Variants in PTPRE observed in about 807,000 individuals in gnomAD.
PTPRE encodes receptor-type tyrosine-protein phosphatase epsilon.
Under a neutral mutation model 102.0 loss-of-function variants are expected in PTPRE, and 51 were observed. That is an observed-to-expected ratio of 0.50 (90% CI 0.40 to 0.63). The LOEUF is 0.63. PTPRE is among the 30% of genes least tolerant of loss of function. The pLI is 0.00. For missense variants in PTPRE, 752 were observed against 915.1 expected, an observed-to-expected ratio of 0.82 and a Z score of 2.30; for synonymous variants, 345 against 348.2, an observed-to-expected ratio of 0.99 and a Z score of 0.10.
chr10:128,048,070 T>A (rs1848250321), intron 5 of PTPRE, among the ~76,000 whole-genome samples: 1 of 152,038 alleles, frequency 6.6e-6, no homozygotes, highest in Non-Finnish European at 1.5e-5. Flanking sequence ...TGTTTGTGGC[T>A]TTTTTTAGAG....
At chr10:128,067,645 C>T (rs997436544) in intron 11 of PTPRE, among the ~76,000 whole-genome samples, 1 of 152,234 alleles carries the variant, frequency 6.6e-6, no homozygotes, top group African/African-American at 2.4e-5. Flanking sequence ...GGTCCAAAAG[C>T]TGAGAGAGGC....
At chr10:127,926,723 G>A (rs556934232) in intron 1 of PTPRE, among the ~76,000 whole-genome samples, 60 of 151,836 alleles carry the variant, frequency 4.0e-4, no homozygotes, top group South Asian at 1.2e-3. Context: ...GACAGGGGAC[G>A]AGTTGGGAAG....
intron 1 of PTPRE, among the ~76,000 whole-genome samples, chr10:127,925,258 G>A (rs1422527962): frequency 6.6e-6 from 1 of 152,194 alleles, no homozygotes; most frequent in African/African-American, 2.4e-5. Context: ...CAAGAAAGAC[G>A]TTACAGTGTC....
rs764982543 is a variant in PTPRE, at chr10:128,040,930, G to A, written c.49G>A (p.Ala17Thr). ...GCTGGTGGGTTTTAGCTTGCCGCTC[G>A]CCAGGGCTCTCAGGGGCAACGAGAC... Reference protein sequence around the residue: ...LLLVGFSLPLARALRGNETTA... With the variant: ...LLLVGFSLPLTRALRGNETTA... The change falls in exon 3 of 21, where the codon GCC becomes ACC. Residue 17 changes from alanine (A) to threonine (T), a missense_variant. This residue lies in a region of PTPRE where 116 missense variants were observed against 90.8 expected (regional missense o/e 1.28). Coordinates refer to ENST00000254667, the MANE Select transcript of PTPRE (RefSeq NM_006504.6). 16 of 1,613,816 alleles carry A rather than the reference G, an allele frequency of 9.9e-6. No homozygotes were observed. The highest frequency in any genetic ancestry group is 5.0e-5 in the Admixed American group (3 of 59,976).
At chr10:128,079,238 G>A (rs1851487643) in intron 19 of PTPRE, among the ~76,000 whole-genome samples, 2 of 152,078 alleles carry the variant, frequency 1.3e-5, no homozygotes, top group South Asian at 4.1e-4. Flanking sequence ...CTGGTCCAGG[G>A]ACCACACTTT....
intron 1 of PTPRE, among the ~76,000 whole-genome samples, chr10:127,914,963 C>G (rs1846110811): frequency 6.6e-6 from 1 of 152,178 alleles, no homozygotes; most frequent in Non-Finnish European, 1.5e-5. Flanking sequence ...GAAGCAGAAG[C>G]TCTCTTAAAA....
intron 2 of PTPRE, among the ~76,000 whole-genome samples, chr10:128,003,401 C>T (rs1564871272): frequency 6.6e-6 from 1 of 152,102 alleles, no homozygotes; most frequent in African/African-American, 2.4e-5. Flanking sequence ...TTTTCCAATA[C>T]ATTAAAAATA....
Position 127,944,404 on chromosome 10 carries a change from A to G in PTPRE, c.-31+37095A>G, listed in dbSNP as rs1315044277. On this transcript the variant is annotated intron_variant, in intron 1 of 20. Transcript: ENST00000254667. The surrounding 1 kb of genome is among the most constrained non-coding windows in gnomAD (Gnocchi z 4.2). ...GATATGTGGATGGATGGATGGATGGATGGATGGATGCATGCATGGATAAGT... is the reference window on the plus strand; with the variant it reads ...GATATGTGGATGGATGGATGGATGGGTGGATGGATGCATGCATGGATAAGT... Among the ~76,000 whole-genome samples, 2 of 151,272 alleles carry G rather than the reference A, an allele frequency of 1.3e-5. No individual in the cohort carries two copies. The highest frequency in any genetic ancestry group is 2.1e-4 in the South Asian group (1 of 4,806).
intron 2 of PTPRE, among the ~76,000 whole-genome samples, chr10:127,996,316 C>T (rs1347159855): frequency 2.6e-5 from 4 of 152,196 alleles, no homozygotes; most frequent in African/African-American, 7.2e-5. Context: ...AAAGCTGGCC[C>T]GTCAAAATCG....
At chr10:127,988,497 G>C (rs1010643668) in intron 2 of PTPRE, among the ~76,000 whole-genome samples, 4 of 152,118 alleles carry the variant, frequency 2.6e-5, no homozygotes, top group Non-Finnish European at 4.4e-5. Context: ...GTAGAGATGG[G>C]TTTTGCCATA....
intron 3 of PTPRE, among the ~76,000 whole-genome samples, chr10:128,042,351 C>T (rs1222810907): frequency 1.3e-5 from 2 of 152,152 alleles, no homozygotes; most frequent in African/African-American, 4.8e-5. Context: ...ACGTCCACTC[C>T]ACATCTGAGG....
At chr10:127,951,712 T>G (rs1849039824) in intron 1 of PTPRE, among the ~76,000 whole-genome samples, 1 of 152,188 alleles carries the variant, frequency 6.6e-6, no homozygotes, top group Non-Finnish European at 1.5e-5. Flanking sequence ...ATGGAAGCTA[T>G]TAGTGCTATC....
rs751013093 is a variant in PTPRE, at chr10:128,076,703, G to A, written c.1700G>A (p.Arg567Gln). ...ACCCTTTCAGAAGCCATCAGTATAC[G>A]AGACTTTCTGGTCACTCTCAATCAG... Reference protein sequence around the residue: ...NDTLSEAISIRDFLVTLNQPQ... With the variant: ...NDTLSEAISIQDFLVTLNQPQ... The change falls in exon 18 of 21, where the codon CGA becomes CAA. Residue 567 changes from arginine (R) to glutamine (Q), a missense_variant. Arg to Gln is a conservative substitution (Grantham distance 43). This residue lies in a region of PTPRE where 636 missense variants were observed against 824.4 expected (regional missense o/e 0.77). Coordinates refer to ENST00000254667, the MANE Select transcript of PTPRE (RefSeq NM_006504.6). 4.3e-6 allele frequency: 7 copies of A among 1,611,210 alleles called. No homozygotes were observed. The highest frequency in any genetic ancestry group is 2.7e-5 in the African/African-American group (2 of 74,728).
chr10:128,053,689 G>T (rs1451384093), intron 6 of PTPRE, among the ~76,000 whole-genome samples: 2 of 152,226 alleles, frequency 1.3e-5, no homozygotes, highest in South Asian at 2.1e-4. Context: ...CAACCGTGGG[G>T]TGTCAGAGCT....
At chr10:128,043,632 G>T (rs1298268671) in intron 3 of PTPRE, among the ~76,000 whole-genome samples, 1 of 152,232 alleles carries the variant, frequency 6.6e-6, no homozygotes. Context: ...AGGCGTACAG[G>T]CTAACACAGA....
At chr10:127,951,464 A>G (rs537634372) in intron 1 of PTPRE, among the ~76,000 whole-genome samples, 1 of 152,354 alleles carries the variant, frequency 6.6e-6, no homozygotes, top group East Asian at 1.9e-4. Flanking sequence ...TGATTCCAGG[A>G]GACCTGAAAT....
At chr10:128,067,422 G>C (rs375526835) in intron 11 of PTPRE, among the ~76,000 whole-genome samples, 1 of 146,578 alleles carries the variant, frequency 6.8e-6, no homozygotes, top group Non-Finnish European at 1.5e-5. Context: ...GGGTGCACAC[G>C]TGTACGCACC....
At position 128,012,714 on chromosome 10, in the gene PTPRE, G is replaced by C. The variant is rs537675531; in HGVS notation, c.-7-28161G>C. ...CATATTCAGCACCTAGGACACCTAT[G>C]TCAAATACAAGGATTCCAGTAATTT... is the stretch of plus-strand genomic sequence containing the variant. On this transcript the variant is annotated intron_variant, in intron 2 of 20. Coordinates refer to ENST00000254667, the MANE Select transcript of PTPRE (RefSeq NM_006504.6). Among the ~76,000 whole-genome samples the C allele has an allele frequency of 2.6e-5, 4 of 152,286 alleles. No individual in the cohort carries two copies. In the South Asian group the frequency reaches 8.3e-4, roughly 32 times the overall value.
chr10:128,075,127 T>C (rs923072079), intron 17 of PTPRE, among the ~76,000 whole-genome samples: 3 of 152,246 alleles, frequency 2.0e-5, no homozygotes. Flanking sequence ...TGATATTCTA[T>C]GTTGATGCTT....
Sources: allele counts gnomAD v4.1 joint callset (sites outside exome capture counted in the v4.1 genomes callset), GRCh38; gene constraint gnomAD v4.1.1; regional missense constraint gnomAD v4.1.1; non-coding constraint Gnocchi (gnomAD v3.1); transcripts MANE v1.5; gene names NCBI Gene and HGNC (gene_info 2026-07-23, HGNC 2026-07-21).